UBE2Q2: variants seen among roughly 807,000 people sequenced by gnomAD.
The protein encoded by UBE2Q2 is ubiquitin-conjugating enzyme E2 Q2.
Under a neutral mutation model 59.9 loss-of-function variants are expected in UBE2Q2, and 54 were observed. That is an observed-to-expected ratio of 0.90 (90% CI 0.72 to 1.13). The LOEUF is 1.13. UBE2Q2 is among the 50% of genes most tolerant of loss of function. UBE2Q2 has a pLI of 0.00. For synonymous variants in UBE2Q2, 165 were observed against 155.2 expected (o/e 1.06, Z -0.47); for missense variants, 433 against 441.9 (o/e 0.98, Z 0.18).
At chr15:75,863,785 G>A (rs1897315502) in intron 3 of UBE2Q2, among the ~76,000 whole-genome samples, 2 of 152,112 alleles carry the variant, frequency 1.3e-5, no homozygotes, top group African/African-American at 4.8e-5. Flanking sequence ...TGGGATTACA[G>A]GTGTGCACCA....
At chr15:75,855,969 C>T (rs1896882815) in intron 2 of UBE2Q2, among the ~76,000 whole-genome samples, 1 of 152,012 alleles carries the variant, frequency 6.6e-6, no homozygotes, top group Non-Finnish European at 1.5e-5. Flanking sequence ...AGGCAGGTTG[C>T]TTGAGCTCAT....
In UBE2Q2 at chr15:75,868,323, A is replaced by G. The variant is rs375000930; in HGVS notation, c.388-628A>G. Among the ~76,000 whole-genome samples the G allele has an allele frequency of 7.2e-5, 11 of 152,194 alleles. 1 individual carries two copies. In the East Asian group the frequency reaches 1.2e-3, roughly 16 times the overall value. On this transcript the variant is annotated intron_variant, in intron 3 of 12. Transcript: ENST00000267938. ...GAAAGTCCTTCCTAAAACCCCATCA[A>G]ATTCATTTCTGAACTTGATAAATTG...
At chr15:75,860,815 C>G (rs571801202) in intron 3 of UBE2Q2, among the ~76,000 whole-genome samples, 2 of 152,290 alleles carry the variant, frequency 1.3e-5, no homozygotes, top group South Asian at 2.1e-4. Context: ...TGCTCTCCTA[C>G]AGTAGATCCA....
At chr15:75,892,716 C>T (rs1465655400) in intron 11 of UBE2Q2, among the ~76,000 whole-genome samples, 1 of 151,918 alleles carries the variant, frequency 6.6e-6, no homozygotes, top group African/African-American at 2.4e-5. Context: ...GCCCCCCACC[C>T]TAAAAAAACA....
Position 75,899,418 on chromosome 15 carries a change from C to CG in UBE2Q2, c.1097-9_1097-8insG. On this transcript the variant is annotated splice_polypyrimidine_tract_variant and intron_variant, in intron 12 of 12. Coordinates refer to ENST00000267938, the MANE Select transcript of UBE2Q2 (RefSeq NM_173469.4). The stretch of plus-strand genomic sequence containing the variant: ...TTATTTTAACTTTTTTTTTTTCATT[C>CG]TATTTCAGGCTGGTACACCCCTCCA... 6.5e-7 allele frequency: 1 copy of CG among 1,535,930 alleles called. No individual in the cohort carries two copies.
intron 11 of UBE2Q2, 87 bp downstream of exon 11, chr15:75,891,101 T>G (rs189821769): frequency 1.6e-4 from 160 of 972,230 alleles, no homozygotes; most frequent in African/African-American, 4.9e-5. Flanking sequence ...TTAATTCTTT[T>G]TTGAGATAGT....
chr15:75,882,566 A>C (rs1898491562), intron 8 of UBE2Q2, among the ~76,000 whole-genome samples: 1 of 152,216 alleles, frequency 6.6e-6, no homozygotes, highest in South Asian at 2.1e-4. Flanking sequence ...TACCAAGCTT[A>C]CATCAACCTC....
intron 12 of UBE2Q2, among the ~76,000 whole-genome samples, chr15:75,897,303 A>G (rs1335109478): frequency 6.6e-6 from 1 of 151,924 alleles, no homozygotes; most frequent in East Asian, 1.9e-4. Flanking sequence ...CAGTGGCACT[A>G]TCTCAGCTCA....
chr15:75,884,568 GTGTT>G lies in UBE2Q2; in HGVS notation c.884+1154_884+1157del, dbSNP rs544499139. Among the ~76,000 whole-genome samples the G allele has an allele frequency of 4.5e-3, 691 of 152,226 alleles. 5 individuals are homozygous for G. The highest frequency in any genetic ancestry group is 6.8e-3 in the Middle Eastern group (2 of 294). On this transcript the variant is annotated intron_variant, in intron 9 of 12. Transcript: ENST00000267938. ...TAAAGCTCAGAGAAACAAAAAGTGT[GTGTT>G]TGTTTGTTTTTTTAACCTTTCGTAT... is the stretch of plus-strand genomic sequence containing the variant.
chr15:75,891,050 T>A lies in UBE2Q2; in HGVS notation c.1029+36T>A, dbSNP rs373102975. On this transcript the variant is annotated intron_variant, in intron 11 of 12. Transcript: ENST00000267938. ...TAAGAATTTTACATAAACCATAAGATACATTTTATATTACTTTATAAGCTT... is the reference window on the plus strand; with the variant it reads ...TAAGAATTTTACATAAACCATAAGAAACATTTTATATTACTTTATAAGCTT... The A allele has an allele frequency of 1.3e-5, 19 of 1,474,194 alleles. No individual in the cohort carries two copies. In the African/African-American group the frequency reaches 2.5e-4, roughly 19 times the overall value. The allele number at this position is 1,474,194 out of a possible 1,614,324, so 91.3% of individuals were successfully genotyped here.
chr15:75,850,194 CCTT>C (rs1466178562), intron 1 of UBE2Q2, among the ~76,000 whole-genome samples: 3 of 152,146 alleles, frequency 2.0e-5, no homozygotes, highest in Non-Finnish European at 4.4e-5. Context: ...GAAAACAAAA[CCTT>C]CTTATTGTAA....
chr15:75,889,342 G>A (rs551666443), intron 9 of UBE2Q2, among the ~76,000 whole-genome samples: 1 of 152,186 alleles, frequency 6.6e-6, no homozygotes, highest in Non-Finnish European at 1.5e-5. Context: ...TCCAGGATGG[G>A]GGAGATGAAA....
In UBE2Q2 at chr15:75,899,562, G is replaced by A. The variant is rs376807071; in HGVS notation, c.*104G>A. The A allele has an allele frequency of 3.6e-5, 32 of 897,612 alleles. No individual in the cohort carries two copies. The Middle Eastern group carries it at 6.9e-4, about 19-fold the overall frequency. 55.6% of individuals were successfully genotyped at this position (897,612 alleles called of 1,614,324 possible). ...CCCCTATTACAGCAGTACCGAAGAT[G>A]TTAGTTAATAGATATTTTAGTGGAT... On this transcript the variant is annotated 3_prime_UTR_variant, in exon 13 of 13. Transcript: ENST00000267938.
chr15:75,890,565 T>G, intron 10 of UBE2Q2, 82 bp downstream of exon 10: 1 of 1,209,996 alleles, frequency 8.3e-7, no homozygotes, highest in Non-Finnish European at 1.2e-6. Flanking sequence ...AGAAAATTCT[T>G]TAATAGCTCC....
At chr15:75,872,712 T>C (rs1172390653) in intron 4 of UBE2Q2, among the ~76,000 whole-genome samples, 1 of 152,014 alleles carries the variant, frequency 6.6e-6, no homozygotes, top group Non-Finnish European at 1.5e-5. Context: ...GTTATAAACG[T>C]CAATAGATGC....
intron 3 of UBE2Q2, among the ~76,000 whole-genome samples, chr15:75,867,491 A>G (rs180689365): frequency 3.2e-4 from 48 of 152,350 alleles, no homozygotes; most frequent in African/African-American, 9.6e-4. Flanking sequence ...TTTTTCTGCT[A>G]CTGCGGCAGA....
rs139532885 is a variant in UBE2Q2 at position 75,873,454 on chromosome 15, G to A, written c.474G>A (p.Glu158=). ...AEDIEDLDHY[E]MKEEEPISGK... ...ATATAGAAGACTTAGATCACTATGA[G>A]ATGAAGGAAGAAGAGCCTATTAGTG... Residue 158 remains glutamate (E), a synonymous_variant, in exon 5 of 13, where the codon GAG becomes GAA. Transcript: ENST00000267938. 274 of 1,612,726 alleles carry A rather than the reference G, an allele frequency of 1.7e-4. No individual in the cohort carries two copies. The Middle Eastern group carries it at 1.8e-3, about 11-fold the overall frequency.
chr15:75,878,222 A>G, intron 7 of UBE2Q2: 1 of 532,220 alleles, frequency 1.9e-6, no homozygotes, highest in Admixed American at 3.6e-5. Flanking sequence ...GAAGGACAGA[A>G]AGAGGGACCA....
chr15:75,899,357 CT>C, intron 12 of UBE2Q2, 69 bp from the exon 13 acceptor site: 1 of 1,134,890 alleles, frequency 8.8e-7, no homozygotes. Context: ...TGTAGCTAAC[CT>C]TATTACATGC....
Sources: gnomAD v4.1 joint callset for allele counts (sites outside exome capture counted in the v4.1 genomes callset) on GRCh38, gnomAD v4.1.1 for gene constraint, MANE v1.5 for transcripts, NCBI Gene and HGNC (gene_info 2026-07-23, HGNC 2026-07-21) for gene names.